Variants in MACROD1 observed in about 807,000 individuals in gnomAD.
MACROD1 encodes the protein mono-ADP ribosylhydrolase 1, also known as ADP-ribose glycohydrolase MACROD1.
In MACROD1, 31 loss-of-function variants were observed where a neutral mutation model predicts 41.4. The ratio of observed to expected loss-of-function variants is 0.75; its 90% CI spans 0.56 to 1.01. MACROD1 has a LOEUF of 1.01. MACROD1 is among the 50% of genes least tolerant of loss of function. The probability of loss-of-function intolerance (pLI) is 0.00; values close to 1 mark genes in which losing one functional copy is unlikely to be tolerated. For synonymous variants in MACROD1, 252 were observed against 203.4 expected, an observed-to-expected ratio of 1.24 and a Z score of -2.03; for missense variants, 473 against 460.0, an observed-to-expected ratio of 1.03 and a Z score of -0.26.
At chr11:64,021,786 C>T (rs1310475855) in intron 3 of MACROD1, among the ~76,000 whole-genome samples, 3 of 152,126 alleles carry the variant, frequency 2.0e-5, no homozygotes, top group Admixed American at 6.5e-5. Flanking sequence ...GTGTGCCAGG[C>T]GCTGGGACAC....
intron 4 of MACROD1, chr11:64,001,840 G>A: frequency 2.9e-6 from 2 of 686,234 alleles, no homozygotes; most frequent in South Asian, 3.0e-5. Context: ...TGCCGTGGCT[G>A]GGCTGTGGAG....
At chr11:64,010,901 TGTTG>T (rs754700200) in intron 4 of MACROD1, among the ~76,000 whole-genome samples, 37 of 141,820 alleles carry the variant, frequency 2.6e-4, no homozygotes, top group Non-Finnish European at 5.1e-4. Flanking sequence ...TTGGCTGGCA[TGTTG>T]GTTGGGGTGT....
intron 3 of MACROD1, among the ~76,000 whole-genome samples, chr11:64,123,215 G>A (rs1236388859): frequency 2.6e-5 from 4 of 152,310 alleles, no homozygotes; most frequent in Admixed American, 6.5e-5. Context: ...GGGCGTCCGC[G>A]TGCCTCCTCA....
At chr11:64,153,751 T>C (rs930483889) in intron 1 of MACROD1, among the ~76,000 whole-genome samples, 4 of 152,176 alleles carry the variant, frequency 2.6e-5, no homozygotes, top group Non-Finnish European at 4.4e-5. Context: ...CAGAGCCACC[T>C]TTCCTGGCAG....
chr11:64,145,213 G>A (rs1012454974), intron 3 of MACROD1, among the ~76,000 whole-genome samples: 2 of 152,138 alleles, frequency 1.3e-5, no homozygotes, highest in African/African-American at 2.4e-5. Flanking sequence ...ATCTCCCTGC[G>A]AGGTCGGCTT....
chr11:64,077,798 C>T (rs377130060), intron 3 of MACROD1, among the ~76,000 whole-genome samples: 61 of 152,334 alleles, frequency 4.0e-4, no homozygotes, highest in Middle Eastern at 3.4e-3. Flanking sequence ...GCTGGGCCTC[C>T]GGCCGCCGCT....
chr11:64,126,495 C>T (rs575525664), intron 3 of MACROD1, among the ~76,000 whole-genome samples: 5 of 152,274 alleles, frequency 3.3e-5, no homozygotes, highest in Admixed American at 6.5e-5. Flanking sequence ...GCCCGTACCC[C>T]CTATAAACAC....
intron 3 of MACROD1, chr11:64,104,149 C>T (rs1944717954): frequency 6.6e-6 from 1 of 152,318 alleles, no homozygotes; most frequent in African/African-American, 2.4e-5. Context: ...CCCAGTCAAA[C>T]CCAGAGGGTC....
At chr11:64,075,285 T>A (rs1173380405) in intron 3 of MACROD1, among the ~76,000 whole-genome samples, 1 of 152,362 alleles carries the variant, frequency 6.6e-6, no homozygotes, top group South Asian at 2.1e-4. Flanking sequence ...GGCTGGCCCT[T>A]GGCCCCTCCC....
At chr11:64,164,875 G>A (rs1406046742) in intron 1 of MACROD1, among the ~76,000 whole-genome samples, 3 of 149,778 alleles carry the variant, frequency 2.0e-5, no homozygotes, top group South Asian at 4.1e-4. Flanking sequence ...TGCCCGGCAG[G>A]GCTATTTGGG....
chr11:64,033,293 C>T lies in MACROD1; in HGVS notation c.518-18012G>A, dbSNP rs576227973. Reference sequence around the variant, plus strand: ...CACCTGGCACACAGTGGACTCCCAGCCATATCCCCCGAACTGTGCACAGCC... The same window carrying T: ...CACCTGGCACACAGTGGACTCCCAGTCATATCCCCCGAACTGTGCACAGCC... On this transcript the variant is annotated intron_variant, in intron 3 of 10. Coordinates refer to ENST00000255681, the MANE Select transcript of MACROD1 (RefSeq NM_014067.4). Among the ~76,000 whole-genome samples, 59 of 152,386 alleles carry T rather than the reference C, an allele frequency of 3.9e-4. 1 individual carries two copies. Among genetic ancestry groups the T allele is most frequent in the African/African-American group, 1.2e-3 (51 of 41,588 alleles).
intron 3 of MACROD1, among the ~76,000 whole-genome samples, chr11:64,033,624 T>A (rs145528318): frequency 0.015 from 2,344 of 152,070 alleles, 62 homozygotes; most frequent in African/African-American, 0.053. Flanking sequence ...GTGGATCACC[T>A]GAGGTCAGGA....
intron 3 of MACROD1, among the ~76,000 whole-genome samples, chr11:64,136,300 G>A (rs1385357125): frequency 2.0e-5 from 3 of 152,210 alleles, no homozygotes; most frequent in African/African-American, 7.2e-5. Flanking sequence ...CACTTCCCAG[G>A]ATACATAGGG....
At chr11:64,043,146 G>C (rs566037041) in intron 3 of MACROD1, among the ~76,000 whole-genome samples, 1 of 152,150 alleles carries the variant, frequency 6.6e-6, no homozygotes, top group Non-Finnish European at 1.5e-5. Flanking sequence ...GATGGCATAC[G>C]TGCTGACATC....
chr11:64,030,508 A>G (rs1484554470), intron 3 of MACROD1, among the ~76,000 whole-genome samples: 1 of 152,198 alleles, frequency 6.6e-6, no homozygotes, highest in Non-Finnish European at 1.5e-5. Flanking sequence ...GCAGAGATGA[A>G]TACTAACAAA....
intron 3 of MACROD1, among the ~76,000 whole-genome samples, chr11:64,034,807 GGGGGCTCTGGGCAGGCTT>G (rs1292601453): frequency 6.6e-6 from 1 of 152,224 alleles, no homozygotes; most frequent in African/African-American, 2.4e-5. Flanking sequence ...GGGCCCTGGT[GGGGGCTCTGGGCAGGCTT>G]GGGACTCAGA....
intron 3 of MACROD1, among the ~76,000 whole-genome samples, chr11:64,143,801 C>A (rs190528931): frequency 1.6e-3 from 228 of 144,926 alleles, no homozygotes; most frequent in Middle Eastern, 3.4e-3. Flanking sequence ...CACACACACA[C>A]AATTTCCTGG....
chr11:64,101,701 G>A (rs1430882195), intron 3 of MACROD1, among the ~76,000 whole-genome samples: 1 of 152,190 alleles, frequency 6.6e-6, no homozygotes, highest in Non-Finnish European at 1.5e-5. Context: ...CCGCCCTCCC[G>A]CCGCGTGCAG....
chr11:64,133,367 A>G (rs1248149304), intron 3 of MACROD1, among the ~76,000 whole-genome samples: 1 of 152,220 alleles, frequency 6.6e-6, no homozygotes, highest in Non-Finnish European at 1.5e-5. Flanking sequence ...GAGGGAGCCA[A>G]GAGAGGAGAC....
Sources: allele counts gnomAD v4.1 joint callset (sites outside exome capture counted in the v4.1 genomes callset), GRCh38; gene constraint gnomAD v4.1.1; transcripts MANE v1.5; gene names NCBI Gene and HGNC (gene_info 2026-07-23, HGNC 2026-07-21).